Variants in LANCL1 observed in about 807,000 individuals in gnomAD.
LANCL1 encodes glutathione S-transferase LANCL1.
Under a neutral mutation model 50.6 loss-of-function variants are expected in LANCL1, and 50 were observed. The observed-to-expected ratio is 0.99, with a 90% confidence interval of 0.79 to 1.25. The LOEUF (loss-of-function observed/expected upper bound fraction) is 1.25, where lower values mean the gene tolerates loss of function less well. LANCL1 is among the 50% of genes most tolerant of loss of function. The pLI is 0.00. For missense variants in LANCL1, 532 were observed against 480.7 expected (o/e 1.11, Z -1.00); for synonymous variants, 188 against 178.6 (o/e 1.05, Z -0.42).
chr2:210,452,814 A>C (rs1693549722), intron 4 of LANCL1, among the ~76,000 whole-genome samples: 1 of 152,204 alleles, frequency 6.6e-6, no homozygotes. Context: ...TAGAAAAAGC[A>C]AGCTAGCTAG....
Position 210,436,310 on chromosome 2 carries a change from T to C in LANCL1, c.956A>G (p.Tyr319Cys), listed in dbSNP as rs1448419450. Residue 319 changes from tyrosine to cysteine, a missense_variant, in exon 8 of 10, where the codon TAT (tyrosine) becomes TGT (cysteine). Coordinates refer to ENST00000450366, the MANE Select transcript of LANCL1 (RefSeq NM_006055.3). ...IWQYGLLKKGYGLCHGSAGNA... is the reference protein window; with the variant it reads ...IWQYGLLKKGCGLCHGSAGNA... ...CCCTGCAGAACCGTGGCACAGCCCA[T>C]ATCCCTTCTTCAGCAACCCATATTG... The C allele has an allele frequency of 1.2e-6, 2 of 1,613,978 alleles. No homozygotes were observed. The highest frequency in any genetic ancestry group is 2.2e-5 in the East Asian group (1 of 44,882).
intron 2 of LANCL1, 99 bp downstream of exon 2, chr2:210,476,217 T>C: frequency 1.4e-6 from 1 of 706,548 alleles, no homozygotes; most frequent in Non-Finnish European, 2.4e-6. Flanking sequence ...TCATGTATTT[T>C]TTTAAAGGGG....
At chr2:210,455,953 A>G (rs1693662779) in intron 3 of LANCL1, among the ~76,000 whole-genome samples, 2 of 151,996 alleles carry the variant, frequency 1.3e-5, no homozygotes, top group Admixed American at 1.3e-4. Flanking sequence ...TCGAGGGCCC[A>G]CCTACTTTGG....
Position 210,476,389 on chromosome 2 carries a change from T to A in LANCL1, c.8A>T (p.Gln3Leu). The A allele has an allele frequency of 6.2e-7, 1 of 1,613,900 alleles. No individual in the cohort carries two copies. MA[Q>L]RAFPNPYADY... is the part of the protein sequence containing the mutation. ...AGCATAAGGATTCGGGAAGGCCCTT[T>A]GAGCCATGACGCCGGAAGCAAGCCT... The change falls in exon 2 of 10, where the codon CAA becomes CTA. Residue 3 changes from glutamine (Q) to leucine (L), a missense_variant. By Grantham distance (113) the Gln-to-Leu change is moderately radical. Transcript: ENST00000450366.
In LANCL1 at chr2:210,432,926, C is replaced by T. The variant is rs559275524; in HGVS notation, c.*1561G>A. On this transcript the variant is annotated 3_prime_UTR_variant, in exon 10 of 10. Transcript: ENST00000450366. ...TGAGCAGTGGGCTGCTTTTTAAATCCTACTGCCAGTGGCCTTTAAAAGGTC... is the reference window on the plus strand; with the variant it reads ...TGAGCAGTGGGCTGCTTTTTAAATCTTACTGCCAGTGGCCTTTAAAAGGTC... 21 of 152,612 alleles carry T rather than the reference C, an allele frequency of 1.4e-4. No homozygotes were observed. Among genetic ancestry groups the T allele is most frequent in the African/African-American group, 4.8e-4 (20 of 41,568 alleles). 9.5% of individuals were successfully genotyped at this position (152,612 alleles called of 1,614,324 possible).
intron 6 of LANCL1, 60 bp from the exon 7 acceptor site, chr2:210,437,932 G>A: frequency 8.0e-7 from 1 of 1,243,532 alleles, no homozygotes; most frequent in Non-Finnish European, 1.1e-6. Flanking sequence ...CTAGGTCTCA[G>A]TATATTTAAA....
intron 7 of LANCL1, 36 bp from the exon 8 acceptor site, chr2:210,436,428 T>C (rs1692936969): frequency 2.5e-6 from 4 of 1,588,758 alleles, no homozygotes; most frequent in East Asian, 2.2e-5. Context: ...TTATACGGGA[T>C]ATAAAAGAAA....
intron 4 of LANCL1, among the ~76,000 whole-genome samples, chr2:210,449,290 C>T (rs538623848): frequency 6.6e-6 from 1 of 152,236 alleles, no homozygotes; most frequent in East Asian, 1.9e-4. Flanking sequence ...AGGCCTTCCA[C>T]AAAATTCAAC....
rs34702156 is a variant in LANCL1, at chr2:210,459,737, A to AAAACAAACAAAC, written c.200-4435_200-4424dup. On this transcript the variant is annotated intron_variant, in intron 3 of 9. Coordinates refer to ENST00000450366, the MANE Select transcript of LANCL1 (RefSeq NM_006055.3). ...GGTCTTGAAATGTTGATAACTATTA[A>AAAACAAACAAAC]AAACAAACAAACAAACAAACAAACA... 7.5e-3 allele frequency among the ~76,000 whole-genome samples: 1,129 copies of AAAACAAACAAAC among 150,390 alleles called. 8 individuals carry two copies. Among genetic ancestry groups the AAAACAAACAAAC allele is most frequent in the East Asian group, 0.02 (104 of 5,080 alleles).
intron 6 of LANCL1, among the ~76,000 whole-genome samples, chr2:210,439,714 T>A (rs537057746): frequency 9.9e-4 from 151 of 152,300 alleles, no homozygotes; most frequent in African/African-American, 3.6e-3. Context: ...GTTGTCCTTG[T>A]TTATTTATAG....
Position 210,455,316 on chromosome 2 carries a change from T to TTAA in LANCL1, c.200-3_200-2insTTA. 23 of 999,882 alleles carry TTAA rather than the reference T, an allele frequency of 2.3e-5. No homozygotes were observed. Among genetic ancestry groups the TTAA allele is most frequent in the Middle Eastern group, 2.9e-4 (1 of 3,390 alleles). 61.9% of individuals were successfully genotyped at this position (999,882 alleles called of 1,614,324 possible). A position where few individuals can be genotyped will look rare whatever the true frequency, so the allele number is the denominator to read the frequency against. On this transcript the variant is annotated splice_region_variant and splice_polypyrimidine_tract_variant and intron_variant, in intron 3 of 9. Transcript: ENST00000450366. ...GATGTAAGTAAAGCACAGCAATACCTGAAAAAAAAAAAAGGAAACAATGTA... is the reference window on the plus strand; with the variant it reads ...GATGTAAGTAAAGCACAGCAATACCTTAAGAAAAAAAAAAAAGGAAACAATGTA...
upstream of LANCL1, among the ~76,000 whole-genome samples, chr2:210,477,150 A>AAAAC (rs760512568): frequency 6.6e-6 from 1 of 152,132 alleles, no homozygotes. Flanking sequence ...TTCATTTCTT[A>AAAAC]AAACAAACAA....
intron 9 of LANCL1, 60 bp from the exon 10 acceptor site, chr2:210,434,623 T>C: frequency 6.0e-6 from 8 of 1,343,116 alleles, no homozygotes; most frequent in South Asian, 1.2e-5. Context: ...CATAGGATGG[T>C]TCTTTTTCCC....
At chr2:210,453,358 G>A (rs1316671010) in intron 4 of LANCL1, among the ~76,000 whole-genome samples, 3 of 152,146 alleles carry the variant, frequency 2.0e-5, no homozygotes, top group South Asian at 2.1e-4. Context: ...GAAGAAGAGG[G>A]TTGTATAGGT....
rs772726977 is a variant in LANCL1 at position 210,436,411 on chromosome 2, CATTTT to C, written c.874-24_874-20del. ...TGAATACCTGCAGAGGCAAAGGACA[CATTTT>C]ATTATACGGGATATAAAAGAAAGTT... On this transcript the variant is annotated intron_variant, in intron 7 of 9. Transcript: ENST00000450366. 53 of 1,610,210 alleles carry C rather than the reference CATTTT, an allele frequency of 3.3e-5. No individual in the cohort carries two copies. The highest frequency in any genetic ancestry group is 4.3e-5 in the Non-Finnish European group (51 of 1,177,078).
At chr2:210,444,329 C>T (rs1038778124) in intron 4 of LANCL1, among the ~76,000 whole-genome samples, 1 of 152,228 alleles carries the variant, frequency 6.6e-6, no homozygotes, top group Non-Finnish European at 1.5e-5. Flanking sequence ...CAATCTTCCT[C>T]TCCCATCTCC....
intron 6 of LANCL1, 93 bp downstream of exon 6, chr2:210,440,505 T>G: frequency 8.0e-7 from 1 of 1,245,054 alleles, no homozygotes; most frequent in Non-Finnish European, 1.1e-6. Flanking sequence ...GTTGACAGAA[T>G]GACAAACTAG....
At chr2:210,434,889 C>T (rs1335199532) in intron 9 of LANCL1, among the ~76,000 whole-genome samples, 2 of 151,784 alleles carry the variant, frequency 1.3e-5, no homozygotes, top group Non-Finnish European at 2.9e-5. Context: ...AACAACATTA[C>T]AATATTAACG....
chr2:210,467,314 A>C (rs1694095454), intron 3 of LANCL1, among the ~76,000 whole-genome samples: 1 of 152,186 alleles, frequency 6.6e-6, no homozygotes, highest in Non-Finnish European at 1.5e-5. Context: ...ATTTTTGCAA[A>C]GTTACTGAGT....
Sources: allele counts gnomAD v4.1 joint callset (sites outside exome capture counted in the v4.1 genomes callset), GRCh38; gene constraint gnomAD v4.1.1; transcripts MANE v1.5; gene names NCBI Gene and HGNC (gene_info 2026-07-23, HGNC 2026-07-21).